The following INTU variants were observed in gnomAD, a reference collection of about 807,000 sequenced individuals.
INTU encodes the protein protein inturned.
In INTU, 68 loss-of-function variants were observed where a neutral mutation model predicts 100.5. The observed-to-expected ratio is 0.68, with a 90% CI of 0.56 to 0.83. INTU has a LOEUF of 0.83. Among genes scored for constraint, INTU ranks in the 40% least tolerant of loss-of-function variants. The probability of loss-of-function intolerance (pLI) is 0.00; values close to 1 mark genes in which losing one functional copy is unlikely to be tolerated. For synonymous variants in INTU, 357 were observed against 395.7 expected (o/e 0.90, Z 1.16); for missense variants, 1,071 against 1,114.7 (o/e 0.96, Z 0.56).
chr4:127,634,191 C>T (rs559409331), intron 1 of INTU, among the ~76,000 whole-genome samples: 2 of 152,106 alleles, frequency 1.3e-5, no homozygotes, highest in East Asian at 3.9e-4. Context: ...AAGACTTAAA[C>T]AAATTTTAAA....
intron 7 of INTU, chr4:127,686,113 A>C (rs1729812382): frequency 6.6e-6 from 1 of 152,180 alleles, no homozygotes; most frequent in African/African-American, 2.4e-5. Flanking sequence ...AATTACAAGA[A>C]GACCAAAAAG....
intron 12 of INTU, 126 bp downstream of exon 12, chr4:127,707,095 A>G (rs545407869): frequency 8.5e-4 from 941 of 1,110,626 alleles, no homozygotes; most frequent in Non-Finnish European, 1.1e-3. Flanking sequence ...TATTTCAGTC[A>G]CTGCTGGCAA....
chr4:127,645,559 T>TATTC (rs916772825), intron 2 of INTU, among the ~76,000 whole-genome samples: 3 of 152,016 alleles, frequency 2.0e-5, no homozygotes, highest in African/African-American at 7.2e-5. Flanking sequence ...TTATTTTATT[T>TATTC]ATTTATTTAT....
chr4:127,681,287 A>G (rs1249886989), intron 6 of INTU, among the ~76,000 whole-genome samples: 2 of 152,238 alleles, frequency 1.3e-5, no homozygotes, highest in Non-Finnish European at 1.5e-5. Flanking sequence ...AAGAGGCCGC[A>G]TCGCCAAGTC....
chr4:127,672,968 A>T (rs1729002009), intron 5 of INTU, among the ~76,000 whole-genome samples: 1 of 152,204 alleles, frequency 6.6e-6, no homozygotes, highest in Non-Finnish European at 1.5e-5. Context: ...ATACCCTGAA[A>T]CTATCGACAC....
intron 12 of INTU, among the ~76,000 whole-genome samples, chr4:127,708,254 G>A (rs1730967279): frequency 6.6e-6 from 1 of 152,288 alleles, no homozygotes; most frequent in South Asian, 2.1e-4. Context: ...AGGAGATACA[G>A]AGATGAATAA....
intron 6 of INTU, among the ~76,000 whole-genome samples, chr4:127,676,672 G>A (rs971287421): frequency 1.1e-4 from 17 of 152,064 alleles, no homozygotes; most frequent in Admixed American, 1.0e-3. Flanking sequence ...CGTGAGCGAT[G>A]CAGAAGACGG....
In INTU at chr4:127,643,635, T is replaced by C; in HGVS notation, c.261T>C (p.His87=). The change falls in exon 2 of 16, where the codon CAT becomes CAC. Residue 87 remains histidine (H), a synonymous_variant. Transcript: ENST00000335251. ...SLLPETPTVN[H]VRFSENEIII... is the part of the protein sequence containing the mutation. ...TTCCTGAGACACCAACTGTGAACCA[T>C]GTCAGGTTCAGTGAAAATGAGATTA... 3 of 1,613,504 alleles carry C rather than the reference T, an allele frequency of 1.9e-6. No homozygotes were observed. Among genetic ancestry groups the C allele is most frequent in the Non-Finnish European group, 2.5e-6 (3 of 1,179,584 alleles).
intron 6 of INTU, among the ~76,000 whole-genome samples, chr4:127,682,066 A>C (rs1023163099): frequency 1.9e-4 from 28 of 150,848 alleles, no homozygotes; most frequent in Non-Finnish European, 3.2e-4. Context: ...ACCGTCTCAC[A>C]CCAGTTAGAA....
In INTU at chr4:127,678,869, G is replaced by T. The variant is rs1185597771; in HGVS notation, c.1181+4656G>T. Among the ~76,000 whole-genome samples the T allele has an allele frequency of 5.3e-5, 8 of 151,774 alleles. No individual in the cohort carries two copies. The East Asian group carries it at 1.5e-3, about 29-fold the overall frequency. ...ATTCAGGAAACCCATCTCACGTGCA[G>T]AGACACACATAGGCTCAAAATAAAA... On this transcript the variant is annotated intron_variant, in intron 6 of 15. Transcript: ENST00000335251.
chr4:127,642,033 A>T (rs1727356316), intron 1 of INTU, among the ~76,000 whole-genome samples: 1 of 151,658 alleles, frequency 6.6e-6, no homozygotes, highest in Admixed American at 6.6e-5. Flanking sequence ...TATATTTTTT[A>T]AATTGATACA....
rs533308901 is a variant in INTU at position 127,644,289 on chromosome 4, A to G, written c.682+233A>G. Among the ~76,000 whole-genome samples the G allele has an allele frequency of 7.2e-5, 11 of 152,322 alleles. No homozygotes were observed. In the South Asian group the frequency reaches 2.3e-3, roughly 32 times the overall value. On this transcript the variant is annotated intron_variant, in intron 2 of 15. Coordinates refer to ENST00000335251, the MANE Select transcript of INTU (RefSeq NM_015693.4). ...GTGTGTGCCTTGTTCAGGCCAAGAAATAGCTTACCTAATTTTCAAGTTTTG... is the reference window on the plus strand; with the variant it reads ...GTGTGTGCCTTGTTCAGGCCAAGAAGTAGCTTACCTAATTTTCAAGTTTTG...
At position 127,706,668 on chromosome 4, in the gene INTU, C is replaced by T; in HGVS notation, c.1970C>T (p.Ala657Val). 1 of 1,614,054 alleles carries T rather than the reference C, an allele frequency of 6.2e-7. No individual in the cohort carries two copies. Among genetic ancestry groups the T allele is most frequent in the South Asian group, 1.1e-5 (1 of 91,086 alleles). Residue 657 changes from alanine (A) to valine (V), a missense_variant, in exon 12 of 16, where the codon GCT becomes GTT. Physicochemically the swap from Ala to Val is moderately conservative, Grantham distance 64. Coordinates refer to ENST00000335251, the MANE Select transcript of INTU (RefSeq NM_015693.4). ...ASSPVPCLSC[A>V]DWFLTGSREK... ...TCTCCAGTCCCCTGTTTGTCTTGTG[C>T]TGACTGGTTCCTTACTGGATCACGT...
Position 127,725,486 on chromosome 4 carries a change from G to A in INTU, c.*9050G>A, listed in dbSNP as rs997829922. 6.6e-6 allele frequency: 1 copy of A among 152,124 alleles called. No individual in the cohort carries two copies. Among genetic ancestry groups the A allele is most frequent in the African/African-American group, 2.4e-5 (1 of 41,416 alleles). 9.4% of individuals were successfully genotyped at this position (152,124 alleles called of 1,614,324 possible). A position where few individuals can be genotyped will look rare whatever the true frequency, so the allele number is the denominator to read the frequency against. Reference sequence around the variant, plus strand: ...CTGGATATGTCCCTGAAAATACCATGAACTACTTCTAATACTGATAATTAT... The same window carrying A: ...CTGGATATGTCCCTGAAAATACCATAAACTACTTCTAATACTGATAATTAT... On this transcript the variant is annotated 3_prime_UTR_variant, in exon 16 of 16. Transcript: ENST00000335251.
At position 127,721,533 on chromosome 4, in the gene INTU, A is replaced by C. The variant is rs1731345697; in HGVS notation, c.*5097A>C. The C allele has an allele frequency of 6.6e-6, 1 of 152,126 alleles. No individual in the cohort carries two copies. Among genetic ancestry groups the C allele is most frequent in the Admixed American group, 6.5e-5 (1 of 15,272 alleles). The allele number at this position is 152,126 out of a possible 1,614,324, so 9.4% of individuals were successfully genotyped here. ...TTGGCCTGTCTTGCTAGGTTGGGGA[A>C]GTTTTCCTGGATGATATCCAGAAGT... On this transcript the variant is annotated 3_prime_UTR_variant, in exon 16 of 16. Coordinates refer to ENST00000335251, the MANE Select transcript of INTU (RefSeq NM_015693.4).
chr4:127,697,984 A>G (rs1730469696), intron 8 of INTU, among the ~76,000 whole-genome samples: 1 of 152,046 alleles, frequency 6.6e-6, no homozygotes, highest in Non-Finnish European at 1.5e-5. Flanking sequence ...GCTGGGTGTG[A>G]TGGTGCATGC....
intron 1 of INTU, among the ~76,000 whole-genome samples, chr4:127,641,969 G>T (rs1727352231): frequency 6.6e-6 from 1 of 152,012 alleles, no homozygotes; most frequent in African/African-American, 2.4e-5. Context: ...CAGGTTAAAA[G>T]GGTGAGATAA....
intron 5 of INTU, among the ~76,000 whole-genome samples, chr4:127,672,303 T>C (rs1233967115): frequency 3.3e-5 from 5 of 152,180 alleles, no homozygotes; most frequent in Non-Finnish European, 5.9e-5. Context: ...ACTGCTAATC[T>C]ACTTTCCATT....
intron 6 of INTU, among the ~76,000 whole-genome samples, chr4:127,682,012 A>G (rs1319785124): frequency 2.7e-5 from 4 of 150,918 alleles, no homozygotes; most frequent in Non-Finnish European, 5.9e-5. Flanking sequence ...AATGCTCATC[A>G]TCACTGGCCA....
Sources: gnomAD v4.1 joint callset for allele counts (sites outside exome capture counted in the v4.1 genomes callset) on GRCh38, gnomAD v4.1.1 for gene constraint, MANE v1.5 for transcripts, NCBI Gene and HGNC (gene_info 2026-07-23, HGNC 2026-07-21) for gene names.